ZFAND5: variants seen among roughly 807,000 people sequenced by gnomAD.
ZFAND5 encodes zinc finger AN1-type containing 5, also known as AN1-type zinc finger protein 5.
Under a neutral mutation model 23.6 loss-of-function variants are expected in ZFAND5, and 4 were observed. That is an observed-to-expected ratio of 0.17 (90% CI 0.08 to 0.39). ZFAND5 has a LOEUF of 0.39. ZFAND5 is among the 10% of genes least tolerant of loss of function. The pLI, the probability that ZFAND5 is intolerant of heterozygous loss-of-function variation, is 1.00. For synonymous variants in ZFAND5, 68 were observed against 80.6 expected (o/e 0.84, Z 0.84); for missense variants, 161 against 253.7 (o/e 0.63, Z 2.48).
chr9:72,360,530 T>C (rs1024655065), intron 3 of ZFAND5, 98 bp downstream of exon 3: 3 of 1,520,344 alleles, frequency 2.0e-6, no homozygotes, highest in Non-Finnish European at 2.7e-6. Flanking sequence ...TATCAGGTGT[T>C]CTCTCCATGT....
In ZFAND5 at chr9:72,359,442, G is replaced by T; in HGVS notation, c.343C>A (p.Pro115Thr). 6.2e-7 allele frequency: 1 copy of T among 1,613,242 alleles called. No individual in the cohort carries two copies. Among genetic ancestry groups the T allele is most frequent in the Non-Finnish European group, 8.5e-7 (1 of 1,179,564 alleles). ...CCTGGCTCTGACACCTCTGTTTTCG[G>T]GGTAGTTATTTTGTCCTCTCTTGAA... Reference protein sequence around the residue: ...SISREDKITTPKTEVSEPVVT... With the variant: ...SISREDKITTTKTEVSEPVVT... The change falls in exon 5 of 7, where the codon CCG (proline) becomes ACG (threonine). Residue 115 changes from proline to threonine, a missense_variant. Physicochemically the swap from Pro to Thr is conservative, Grantham distance 38. Coordinates refer to ENST00000376962, the MANE Select transcript of ZFAND5 (RefSeq NM_001102420.3).
chr9:72,356,344 G>A (rs551239138), intron 6 of ZFAND5, among the ~76,000 whole-genome samples: 1 of 152,194 alleles, frequency 6.6e-6, no homozygotes, highest in Non-Finnish European at 1.5e-5. Flanking sequence ...ACTATGTTCA[G>A]TCTTTCCTTG....
At chr9:72,356,516 C>G (rs1435492267) in intron 6 of ZFAND5, among the ~76,000 whole-genome samples, 1 of 152,114 alleles carries the variant, frequency 6.6e-6, no homozygotes, top group Non-Finnish European at 1.5e-5. Context: ...AAGCTGGATT[C>G]AAAACACAGT....
chr9:72,356,995 A>G lies in ZFAND5; in HGVS notation c.429T>C (p.Ala143=), dbSNP rs1412873249. 2 of 1,613,772 alleles carry G rather than the reference A, an allele frequency of 1.2e-6. No homozygotes were observed. Among genetic ancestry groups the G allele is most frequent in the Non-Finnish European group, 1.7e-6 (2 of 1,179,806 alleles). ...TTTTCTTTGGTTTGGGCAATTCAGG[A>G]GCTTTTTCTTCACTCTGAGAAGTAC... The part of the protein sequence containing the change: ...QPSTSQSEEK[A]PELPKPKKNR... The change falls in exon 6 of 7, where the codon GCT becomes GCC. Residue 143 remains alanine, a synonymous_variant. Transcript: ENST00000376962.
At position 72,360,631 on chromosome 9, in the gene ZFAND5, T is replaced by C; in HGVS notation, c.148A>G (p.Met50Val). The C allele has an allele frequency of 2.5e-6, 4 of 1,613,922 alleles. No homozygotes were observed. The highest frequency in any genetic ancestry group is 3.4e-6 in the Non-Finnish European group (4 of 1,179,856). ...RQQNSGRMSP[M>V]GTASGSNSPT... ...TTTTTCCTTGGAAATAACTTACCCA[T>C]TGGGCTCATTCTGCCACTATTTTGC... The change falls in exon 3 of 7, where the codon ATG (methionine) becomes GTG (valine). Residue 50 changes from methionine (M) to valine (V), a missense_variant. By Grantham distance (21) the Met-to-Val change is conservative. Transcript: ENST00000376962.
chr9:72,358,037 G>A (rs1022591280), intron 5 of ZFAND5, among the ~76,000 whole-genome samples: 8 of 152,086 alleles, frequency 5.3e-5, no homozygotes, highest in Admixed American at 5.2e-4. Context: ...GCAAATTTAT[G>A]TATGCAATGC....
chr9:72,364,243 G>A, intron 1 of ZFAND5: 1 of 363,544 alleles, frequency 2.8e-6, no homozygotes, highest in South Asian at 2.6e-5. Flanking sequence ...CCAGCCCTTC[G>A]CCTGCAGGCC....
intron 6 of ZFAND5, 74 bp downstream of exon 6, chr9:72,356,857 T>G: frequency 6.7e-7 from 1 of 1,497,664 alleles, no homozygotes; most frequent in Non-Finnish European, 8.9e-7. Context: ...GACCAACTAG[T>G]CTCTTAGGGA....
rs959821176 is a variant in ZFAND5 at position 72,352,112 on chromosome 9, G to C, written c.*3841C>G. ...GATCGAGACCACCCTGGCTAACACGGTGAAACCCTCTCTCTACTAAAAATA... is the reference window on the plus strand; with the variant it reads ...GATCGAGACCACCCTGGCTAACACGCTGAAACCCTCTCTCTACTAAAAATA... On this transcript the variant is annotated 3_prime_UTR_variant, in exon 7 of 7. Transcript: ENST00000376962. 6.6e-6 allele frequency: 1 copy of C among 152,214 alleles called. No individual in the cohort carries two copies. The highest frequency in any genetic ancestry group is 2.4e-5 in the African/African-American group (1 of 41,422). The allele number at this position is 152,214 out of a possible 1,614,324, so 9.4% of individuals were successfully genotyped here. A position where few individuals can be genotyped will look rare whatever the true frequency, so the allele number is the denominator to read the frequency against.
intron 3 of ZFAND5, 186 bp downstream of exon 3, chr9:72,360,442 A>AT (rs1188415820): frequency 9.1e-6 from 8 of 882,942 alleles, no homozygotes; most frequent in Admixed American, 2.7e-5. Flanking sequence ...CTGAAAAGCT[A>AT]TAAGATGCTT....
chr9:72,361,726 C>T (rs1842108972), intron 2 of ZFAND5, among the ~76,000 whole-genome samples: 1 of 152,160 alleles, frequency 6.6e-6, no homozygotes, highest in South Asian at 2.1e-4. Flanking sequence ...TGTTAAAACG[C>T]TGTGCTAAAT....
intron 2 of ZFAND5, among the ~76,000 whole-genome samples, chr9:72,362,541 A>C (rs909174): frequency 0.43 from 64,721 of 152,034 alleles, 14,712 homozygotes; most frequent in South Asian, 0.57. Context: ...TTCTTAAAAT[A>C]TTTGTTTTAG....
intron 3 of ZFAND5, 174 bp downstream of exon 3, chr9:72,360,454 T>C (rs1445276700): frequency 1.1e-6 from 1 of 918,886 alleles, no homozygotes; most frequent in Non-Finnish European, 1.6e-6. Flanking sequence ...AAGATGCTTG[T>C]AGATAGTCAT....
chr9:72,362,618 C>T (rs753129073), intron 2 of ZFAND5, among the ~76,000 whole-genome samples: 4 of 152,184 alleles, frequency 2.6e-5, no homozygotes, highest in Non-Finnish European at 5.9e-5. Context: ...TCCAACTTTG[C>T]TTCAGAGAAC....
chr9:72,353,377 A>C lies in ZFAND5; in HGVS notation c.*2576T>G, dbSNP rs769758764. The C allele has an allele frequency of 4.6e-5, 7 of 152,178 alleles. No homozygotes were observed. The highest frequency in any genetic ancestry group is 1.4e-4 in the African/African-American group (6 of 41,444). 9.4% of individuals were successfully genotyped at this position (152,178 alleles called of 1,614,324 possible). A position where few individuals can be genotyped will look rare whatever the true frequency, so the allele number is the denominator to read the frequency against. ...TTGTAAAACAAACAAACAAAAAAAA[A>C]ACAAAAAAAACTGATTGGCCGGGTG... On this transcript the variant is annotated 3_prime_UTR_variant, in exon 7 of 7. Coordinates refer to ENST00000376962, the MANE Select transcript of ZFAND5 (RefSeq NM_001102420.3).
In ZFAND5 at chr9:72,359,455, G is replaced by A. The variant is rs757474714; in HGVS notation, c.330C>T (p.Asp110=). The A allele has an allele frequency of 1.9e-6, 3 of 1,613,520 alleles. No homozygotes were observed. The highest frequency in any genetic ancestry group is 2.2e-5 in the South Asian group (2 of 91,038). Residue 110 remains aspartate, a synonymous_variant, in exon 5 of 7, where the codon GAC becomes GAT. Coordinates refer to ENST00000376962, the MANE Select transcript of ZFAND5 (RefSeq NM_001102420.3). ...QMTEMSISRE[D]KITTPKTEVS... is the part of the protein sequence containing the mutation. Reference sequence around the variant, plus strand: ...CCTCTGTTTTCGGGGTAGTTATTTTGTCCTCTCTTGAAATGCTCATTTCTG... The same window carrying A: ...CCTCTGTTTTCGGGGTAGTTATTTTATCCTCTCTTGAAATGCTCATTTCTG...
chr9:72,359,655 A>T (rs1470092921), intron 4 of ZFAND5, 134 bp from the exon 5 acceptor site: 9 of 783,404 alleles, frequency 1.1e-5, no homozygotes, highest in Admixed American at 3.6e-5. Flanking sequence ...TCTAAAGTTT[A>T]AAAAAAAATT....
At position 72,358,013 on chromosome 9, in the gene ZFAND5, CA is replaced by C. The variant is rs145983970; in HGVS notation, c.368-958del. Among the ~76,000 whole-genome samples, 1,427 of 152,070 alleles carry C rather than the reference CA, an allele frequency of 9.4e-3. 24 individuals are homozygous for C. Among genetic ancestry groups the C allele is most frequent in the African/African-American group, 0.032 (1,324 of 41,506 alleles). On this transcript the variant is annotated intron_variant, in intron 5 of 6. Transcript: ENST00000376962. ...ATAAACTCAGGTTTTAATATTAATCCAAATGTAACAATAGCAAATTTATGTA... is the reference window on the plus strand; with the variant it reads ...ATAAACTCAGGTTTTAATATTAATCCAATGTAACAATAGCAAATTTATGTA...
Position 72,360,117 on chromosome 9 carries a change from T to C in ZFAND5, c.256A>G (p.Lys86Glu), listed in dbSNP as rs1307188948. Residue 86 changes from lysine to glutamate, a missense_variant, in exon 4 of 7, where the codon AAA (lysine) becomes GAA (glutamate). Lys to Glu is a moderately conservative substitution (Grantham distance 56). Transcript: ENST00000376962. The stretch of plus-strand genomic sequence containing the variant: ...TGAAACGTTCAATCTTACCTTGATT[T>C]TTCAGATGTGCTGCCAGCAGCACCT... ...CEGAAGSTSEKSRNVPVAALP... is the reference protein window; with the variant it reads ...CEGAAGSTSEESRNVPVAALP... The C allele has an allele frequency of 6.2e-7, 1 of 1,609,742 alleles. No homozygotes were observed. The highest frequency in any genetic ancestry group is 1.3e-5 in the African/African-American group (1 of 74,720).
Sources: gnomAD v4.1 joint callset for allele counts (sites outside exome capture counted in the v4.1 genomes callset) on GRCh38, gnomAD v4.1.1 for gene constraint, MANE v1.5 for transcripts, NCBI Gene and HGNC (gene_info 2026-07-23, HGNC 2026-07-21) for gene names.